The following EYA2 variants were observed in gnomAD, a reference collection of about 807,000 sequenced individuals.
EYA2 encodes the protein EYA transcriptional coactivator and phosphatase 2, also known as protein phosphatase EYA2.
In EYA2, 31 loss-of-function variants were observed where a neutral mutation model predicts 69.2. The ratio of observed to expected loss-of-function variants is 0.45; its 90% CI spans 0.34 to 0.60. The LOEUF (loss-of-function observed/expected upper bound fraction) is 0.60. Ranked by LOEUF, EYA2 falls within the 20% of genes least tolerant of loss-of-function variation. The pLI, the probability that EYA2 is intolerant of heterozygous loss-of-function variation, is 0.02. For missense variants in EYA2, 622 were observed against 701.2 expected, an observed-to-expected ratio of 0.89 and a Z score of 1.28; for synonymous variants, 257 against 279.4, an observed-to-expected ratio of 0.92 and a Z score of 0.80.
At chr20:47,057,065 AAGGGAGGG>A (rs1180817030) in intron 5 of EYA2, among the ~76,000 whole-genome samples, 2 of 114,936 alleles carry the variant, frequency 1.7e-5, no homozygotes, top group Admixed American at 2.4e-4. Context: ...AGGGAGAAAG[AAGGGAGGG>A]AGGGAGGGAG....
chr20:47,014,019 T>C (rs984356749), intron 4 of EYA2, among the ~76,000 whole-genome samples: 17 of 152,180 alleles, frequency 1.1e-4, no homozygotes, highest in African/African-American at 3.6e-4. Context: ...CCCACATCTT[T>C]AAAATGAAGG....
At chr20:47,183,802 G>A (rs943232357) in intron 15 of EYA2, among the ~76,000 whole-genome samples, 4 of 152,094 alleles carry the variant, frequency 2.6e-5, no homozygotes, top group Non-Finnish European at 4.4e-5. Flanking sequence ...TGTGATCTCG[G>A]GCCCGTGAGG....
At chr20:46,958,817 G>A (rs1277671497) in intron 1 of EYA2, among the ~76,000 whole-genome samples, 2 of 152,174 alleles carry the variant, frequency 1.3e-5, no homozygotes, top group East Asian at 3.8e-4. Context: ...TCCCGTGATA[G>A]TTTGCTAAGG....
intron 4 of EYA2, among the ~76,000 whole-genome samples, chr20:47,011,876 G>T (rs1206802): frequency 2.6e-5 from 4 of 152,208 alleles, no homozygotes; most frequent in Non-Finnish European, 5.9e-5. Context: ...TTGTGTTAGT[G>T]TGAGGTTCAT....
intron 1 of EYA2, among the ~76,000 whole-genome samples, chr20:46,935,266 C>T (rs1985858303): frequency 6.6e-6 from 1 of 152,210 alleles, no homozygotes; most frequent in South Asian, 2.1e-4. Context: ...TCTGTTTGCA[C>T]AGGCTGTCAC....
intron 9 of EYA2, among the ~76,000 whole-genome samples, chr20:47,101,618 T>C (rs749636312): frequency 2.0e-5 from 3 of 152,208 alleles, no homozygotes. Flanking sequence ...CCCAAAGTAC[T>C]GTATAGTAAA....
chr20:47,181,613 A>G (rs771405217), intron 14 of EYA2, among the ~76,000 whole-genome samples: 10 of 152,204 alleles, frequency 6.6e-5, no homozygotes, highest in Non-Finnish European at 1.3e-4. Flanking sequence ...GCCTCAAGCA[A>G]TCCTTCCACC....
chr20:47,037,319 C>T (rs539179507), intron 5 of EYA2, among the ~76,000 whole-genome samples: 1 of 152,122 alleles, frequency 6.6e-6, no homozygotes, highest in Non-Finnish European at 1.5e-5. Context: ...GTGGGAATTC[C>T]CCTACTCATC....
At chr20:47,059,730 T>C (rs1008283681) in intron 5 of EYA2, among the ~76,000 whole-genome samples, 1 of 152,222 alleles carries the variant, frequency 6.6e-6, no homozygotes, top group Admixed American at 6.5e-5. Flanking sequence ...CCCCAAACTC[T>C]CCAGAATTTT....
At chr20:47,165,751 G>T (rs2034169626) in intron 10 of EYA2, among the ~76,000 whole-genome samples, 1 of 152,098 alleles carries the variant, frequency 6.6e-6, no homozygotes, top group Admixed American at 6.6e-5. Context: ...CTTTCAAGGG[G>T]CTGGAGAGGG....
At chr20:46,963,367 A>T (rs971412610) in intron 1 of EYA2, among the ~76,000 whole-genome samples, 24 of 152,336 alleles carry the variant, frequency 1.6e-4, no homozygotes, top group Non-Finnish European at 2.9e-4. Context: ...CAGTCGTCAA[A>T]AAAGAAATGT....
In EYA2 at chr20:47,051,709, C is replaced by G. The variant is rs141691112; in HGVS notation, c.416-20476C>G. 3.2e-4 allele frequency among the ~76,000 whole-genome samples: 49 copies of G among 152,264 alleles called. No homozygotes were observed. In the East Asian group the frequency reaches 5.2e-3, roughly 16 times the overall value. On this transcript the variant is annotated intron_variant, in intron 5 of 15. Coordinates refer to ENST00000327619, the MANE Select transcript of EYA2 (RefSeq NM_005244.5). Reference sequence around the variant, plus strand: ...CACATTATTTTATATATTTATGCACCCTCAGCCCCTCCTGACTCATGTCAG... The same window carrying G: ...CACATTATTTTATATATTTATGCACGCTCAGCCCCTCCTGACTCATGTCAG...
At chr20:46,982,645 A>G (rs894449144) in intron 1 of EYA2, among the ~76,000 whole-genome samples, 2 of 151,880 alleles carry the variant, frequency 1.3e-5, no homozygotes, top group Admixed American at 6.6e-5. Flanking sequence ...TTTCAACCTT[A>G]TTCCTGAGAT....
At position 47,072,190 on chromosome 20, in the gene EYA2, A is replaced by T; in HGVS notation, c.421A>T (p.Thr141Ser). The T allele has an allele frequency of 1.2e-6, 2 of 1,612,962 alleles. No individual in the cohort carries two copies. Among genetic ancestry groups the T allele is most frequent in the Non-Finnish European group, 1.7e-6 (2 of 1,179,458 alleles). ...SPYTYQMHGTTGFYQGGNGLG... is the reference protein window; with the variant it reads ...SPYTYQMHGTSGFYQGGNGLG... Reference sequence around the variant, plus strand: ...CCTGTTCCTCCTTCCCACAGGCACAACAGGGTTCTATCAAGGAGGAAATGG... The same window carrying T: ...CCTGTTCCTCCTTCCCACAGGCACATCAGGGTTCTATCAAGGAGGAAATGG... Residue 141 changes from threonine to serine, a missense_variant, in exon 6 of 16, where the codon ACA becomes TCA. Coordinates refer to ENST00000327619, the MANE Select transcript of EYA2 (RefSeq NM_005244.5).
At chr20:47,122,298 T>G (rs1402898646) in intron 9 of EYA2, among the ~76,000 whole-genome samples, 1 of 146,830 alleles carries the variant, frequency 6.8e-6, no homozygotes, top group Admixed American at 6.7e-5. Context: ...GGTTTTTTTT[T>G]TTTTTTTTTT....
At chr20:46,976,612 C>T (rs558449841) in intron 1 of EYA2, among the ~76,000 whole-genome samples, 1 of 152,190 alleles carries the variant, frequency 6.6e-6, no homozygotes, top group Non-Finnish European at 1.5e-5. Flanking sequence ...GTCTCGATCT[C>T]ATGACCTCGT....
At chr20:47,001,662 G>A (rs1164211714) in intron 3 of EYA2, among the ~76,000 whole-genome samples, 189 bp downstream of exon 3, 10 of 152,102 alleles carry the variant, frequency 6.6e-5, no homozygotes, top group Admixed American at 1.3e-4. Flanking sequence ...ATCTGGGAGC[G>A]GGGGACAGTC....
intron 10 of EYA2, among the ~76,000 whole-genome samples, chr20:47,159,050 G>A (rs757759634): frequency 7.2e-5 from 11 of 151,958 alleles, no homozygotes; most frequent in South Asian, 2.1e-4. Flanking sequence ...TAAGTGGGGA[G>A]ACTAAACAAA....
intron 2 of EYA2, among the ~76,000 whole-genome samples, chr20:46,992,168 TCC>T (rs1188065856): frequency 6.6e-6 from 1 of 152,086 alleles, no homozygotes; most frequent in African/African-American, 2.4e-5. Context: ...ATTCTCCTCC[TCC>T]CTCCCTGTCA....
Sources: allele counts gnomAD v4.1 joint callset (sites outside exome capture counted in the v4.1 genomes callset), GRCh38; gene constraint gnomAD v4.1.1; transcripts MANE v1.5; gene names NCBI Gene and HGNC (gene_info 2026-07-23, HGNC 2026-07-21).